Variants in RTN1 observed in about 807,000 individuals in gnomAD.
RTN1 encodes the protein reticulon 1.
Under a neutral mutation model 65.5 loss-of-function variants are expected in RTN1, and 25 were observed. The ratio of observed to expected loss-of-function variants is 0.38; its 90% CI spans 0.28 to 0.53. RTN1 has a LOEUF of 0.53. RTN1 is among the 20% of genes least tolerant of loss of function. The pLI is 0.79. For synonymous variants in RTN1, 471 were observed against 447.6 expected (o/e 1.05, Z -0.66); for missense variants, 983 against 1,025.4 (o/e 0.96, Z 0.57).
rs1022186007 is a variant in RTN1, at chr14:59,663,082, G to C, written c.1766-55590C>G. Among the ~76,000 whole-genome samples the C allele has an allele frequency of 2.0e-5, 3 of 152,082 alleles. No individual in the cohort carries two copies. In the East Asian group the frequency reaches 5.8e-4, roughly 29 times the overall value. ...ACCAAAACAGATATATAGACTAATGGAACAGAACAGAGAACTCAGAAATAA... is the reference window on the plus strand; with the variant it reads ...ACCAAAACAGATATATAGACTAATGCAACAGAACAGAGAACTCAGAAATAA... On this transcript the variant is annotated intron_variant, in intron 3 of 8. Coordinates refer to ENST00000267484, the MANE Select transcript of RTN1 (RefSeq NM_021136.3).
intron 3 of RTN1, among the ~76,000 whole-genome samples, chr14:59,642,749 T>G (rs1333966743): frequency 6.6e-6 from 1 of 152,230 alleles, no homozygotes; most frequent in Non-Finnish European, 1.5e-5. Context: ...TTTGAAGTCT[T>G]TATCAGCCAT....
At chr14:59,862,042 TA>T (rs1887720401) in intron 1 of RTN1, among the ~76,000 whole-genome samples, 1 of 152,236 alleles carries the variant, frequency 6.6e-6, no homozygotes, top group Non-Finnish European at 1.5e-5. Flanking sequence ...TTACATAAGA[TA>T]TTTTAGTAAT....
chr14:59,618,266 G>T (rs1882160279), intron 3 of RTN1, among the ~76,000 whole-genome samples: 1 of 152,162 alleles, frequency 6.6e-6, no homozygotes, highest in Non-Finnish European at 1.5e-5. Flanking sequence ...GCAGCTGGAG[G>T]CTACAAGATT....
chr14:59,752,345 G>T (rs1885549894), intron 1 of RTN1, among the ~76,000 whole-genome samples: 1 of 152,178 alleles, frequency 6.6e-6, no homozygotes, highest in Admixed American at 6.6e-5. Flanking sequence ...ATGGTAGAAA[G>T]GGTGAGGGAT....
At chr14:59,869,459 C>T (rs1887852306) in intron 1 of RTN1, among the ~76,000 whole-genome samples, 1 of 151,926 alleles carries the variant, frequency 6.6e-6, no homozygotes, top group Non-Finnish European at 1.5e-5. Context: ...TCAAAGCGCG[C>T]TTCCTGGATC....
intron 1 of RTN1, among the ~76,000 whole-genome samples, chr14:59,750,065 T>TA (rs1566713015): frequency 2.9e-4 from 8 of 27,136 alleles, no homozygotes; most frequent in Admixed American, 1.9e-3. Context: ...TATACATATA[T>TA]TATATATTAT....
Position 59,819,408 on chromosome 14 carries a change from ACCACCACC to A in RTN1, c.241+50974_241+50981del, listed in dbSNP as rs1886886075. 1.6e-4 allele frequency among the ~76,000 whole-genome samples: 3 copies of A among 18,756 alleles called. No individual in the cohort carries two copies. The African/African-American group carries it at 1.9e-3, about 12-fold the overall frequency. 12.3% of individuals were successfully genotyped at this position (18,756 alleles called of 152,430 possible). On this transcript the variant is annotated intron_variant, in intron 1 of 8. Coordinates refer to ENST00000267484, the MANE Select transcript of RTN1 (RefSeq NM_021136.3). The stretch of plus-strand genomic sequence containing the variant: ...GAGAGCTGATTGGTGCATCCACACC[ACCACCACC>A]CCCCCCCCACCCCCCACCCCCCCCC...
chr14:59,609,312 T>C (rs559042579), intron 3 of RTN1, among the ~76,000 whole-genome samples: 1 of 152,054 alleles, frequency 6.6e-6, no homozygotes, highest in East Asian at 1.9e-4. Flanking sequence ...ATTCATTCAT[T>C]TGGCCTAATC....
rs190685476 is a variant in RTN1, at chr14:59,829,120, C to T, written c.241+41270G>A. Among the ~76,000 whole-genome samples the T allele has an allele frequency of 4.3e-3, 654 of 152,280 alleles. No homozygotes were observed. Among genetic ancestry groups the T allele is most frequent in the South Asian group, 0.017 (80 of 4,820 alleles). Reference sequence around the variant, plus strand: ...AGCTGCTTACTTCCCATCATTTATACTTAAAAGGCAACTACACAGCAATAC... The same window carrying T: ...AGCTGCTTACTTCCCATCATTTATATTTAAAAGGCAACTACACAGCAATAC... On this transcript the variant is annotated intron_variant, in intron 1 of 8. Coordinates refer to ENST00000267484, the MANE Select transcript of RTN1 (RefSeq NM_021136.3). The surrounding 1 kb of genome is among the most constrained non-coding windows in gnomAD (Gnocchi z 4.3).
chr14:59,657,131 A>G (rs1883137387), intron 3 of RTN1, among the ~76,000 whole-genome samples: 1 of 152,252 alleles, frequency 6.6e-6, no homozygotes, highest in South Asian at 2.1e-4. Flanking sequence ...AAAACAGGCC[A>G]GGCACGGTGG....
chr14:59,636,393 T>C (rs1882666122), intron 3 of RTN1, among the ~76,000 whole-genome samples: 1 of 152,190 alleles, frequency 6.6e-6, no homozygotes, highest in Admixed American at 6.5e-5. Context: ...GTGATGTGCC[T>C]GCTCCCACTT....
Position 59,816,321 on chromosome 14 carries a change from C to G in RTN1, c.241+54069G>C, listed in dbSNP as rs1444396968. ...AACAAAATAACAATTTCCCTGGAAGCCTCTGTCCACTCTCGCCCATCTCCA... is the reference window on the plus strand; with the variant it reads ...AACAAAATAACAATTTCCCTGGAAGGCTCTGTCCACTCTCGCCCATCTCCA... On this transcript the variant is annotated intron_variant, in intron 1 of 8. Coordinates refer to ENST00000267484, the MANE Select transcript of RTN1 (RefSeq NM_021136.3). The surrounding 1 kb of genome is among the most constrained non-coding windows in gnomAD (Gnocchi z 4.3). Among the ~76,000 whole-genome samples, 2 of 152,050 alleles carry G rather than the reference C, an allele frequency of 1.3e-5. No homozygotes were observed. The highest frequency in any genetic ancestry group is 4.8e-5 in the African/African-American group (2 of 41,406).
intron 3 of RTN1, among the ~76,000 whole-genome samples, chr14:59,704,873 A>G (rs1884257826): frequency 6.6e-6 from 1 of 152,140 alleles, no homozygotes; most frequent in South Asian, 2.1e-4. Flanking sequence ...AACTGAACAT[A>G]CTGGGTTGGG....
chr14:59,770,195 T>A (rs2139559861), intron 1 of RTN1, among the ~76,000 whole-genome samples: 1 of 151,806 alleles, frequency 6.6e-6, no homozygotes, highest in South Asian at 2.1e-4. Flanking sequence ...CTGGTCAACA[T>A]GGCGAAACCC....
chr14:59,606,036 T>A (rs1013303485), intron 4 of RTN1: 1 of 150,630 alleles, frequency 6.6e-6, no homozygotes, highest in Non-Finnish European at 1.5e-5. Context: ...TACTGAGTGG[T>A]ATTTTTAATA....
At chr14:59,718,707 G>A (rs923011087) in intron 3 of RTN1, among the ~76,000 whole-genome samples, 1 of 152,188 alleles carries the variant, frequency 6.6e-6, no homozygotes, top group African/African-American at 2.4e-5. Flanking sequence ...CCAAATGGAT[G>A]AGTTTTTCCA....
At chr14:59,687,091 C>T (rs941186825) in intron 3 of RTN1, among the ~76,000 whole-genome samples, 6 of 152,176 alleles carry the variant, frequency 3.9e-5, no homozygotes, top group Non-Finnish European at 8.8e-5. Context: ...ACAGCTGCAT[C>T]TCATCTGGGT....
At chr14:59,740,469 C>G (rs1289429596) in intron 2 of RTN1, among the ~76,000 whole-genome samples, 6 of 152,100 alleles carry the variant, frequency 3.9e-5, no homozygotes, top group African/African-American at 1.4e-4. Flanking sequence ...TATAGGTATG[C>G]CCTAAGAAAT....
At chr14:59,805,153 G>T (rs1362380405) in intron 1 of RTN1, among the ~76,000 whole-genome samples, 1 of 152,140 alleles carries the variant, frequency 6.6e-6, no homozygotes, top group Admixed American at 6.5e-5. Context: ...CTCTTCAAAA[G>T]CTCCTTCCAC....
Sources: gnomAD v4.1 joint callset for allele counts (sites outside exome capture counted in the v4.1 genomes callset) on GRCh38, gnomAD v4.1.1 for gene constraint, Gnocchi (gnomAD v3.1) non-coding constraint, MANE v1.5 for transcripts, NCBI Gene and HGNC (gene_info 2026-07-23, HGNC 2026-07-21) for gene names.